Variants in PDZD2 observed in about 807,000 individuals in gnomAD.
The protein encoded by PDZD2 is PDZ domain containing 2.
In PDZD2, 90 loss-of-function variants were observed where a neutral mutation model predicts 220.7. The observed-to-expected ratio is 0.41, with a 90% CI of 0.34 to 0.49. The LOEUF is 0.49. Ranked by LOEUF, PDZD2 falls within the 20% of genes least tolerant of loss-of-function variation. The pLI is 0.28. For missense variants in PDZD2, 3,174 were observed against 3,608.5 expected, an observed-to-expected ratio of 0.88 and a Z score of 3.08; for synonymous variants, 1,375 against 1,450.5, an observed-to-expected ratio of 0.95 and a Z score of 1.18.
chr5:32,005,793 T>G (rs1232402615), intron 5 of PDZD2, among the ~76,000 whole-genome samples: 2 of 152,198 alleles, frequency 1.3e-5, no homozygotes, highest in African/African-American at 4.8e-5. Flanking sequence ...TTCTCCATTT[T>G]CTTCCCTGTA....
chr5:31,985,375 A>G (rs571792593), intron 3 of PDZD2, among the ~76,000 whole-genome samples: 1 of 152,308 alleles, frequency 6.6e-6, no homozygotes, highest in African/African-American at 2.4e-5. Flanking sequence ...TTGACCTAGG[A>G]CACAGTGGAA....
chr5:32,063,654 A>G (rs867824609), intron 14 of PDZD2, among the ~76,000 whole-genome samples: 2 of 152,350 alleles, frequency 1.3e-5, no homozygotes, highest in South Asian at 2.1e-4. Context: ...TTGAGCTTCT[A>G]CTGGGTGCCA....
chr5:31,925,773 A>AAAAC (rs397997282), intron 2 of PDZD2, among the ~76,000 whole-genome samples: 2 of 152,010 alleles, frequency 1.3e-5, no homozygotes, highest in Admixed American at 6.6e-5. Context: ...AAAAAAAAAA[A>AAAAC]GATAACCCAT....
intron 2 of PDZD2, among the ~76,000 whole-genome samples, chr5:31,841,203 A>G (rs529122159): frequency 8.0e-6 from 1 of 124,722 alleles, no homozygotes; most frequent in African/African-American, 3.8e-5. Context: ...CTCTGTGCAC[A>G]TGTGTACACA....
intron 3 of PDZD2, among the ~76,000 whole-genome samples, chr5:31,985,452 T>A (rs1396542917): frequency 6.6e-6 from 1 of 152,132 alleles, no homozygotes; most frequent in Non-Finnish European, 1.5e-5. Flanking sequence ...CCCAGCACTG[T>A]GGGAGGCCCA....
rs1186051915 is a variant in PDZD2, at chr5:32,108,165, C to G, written c.*30C>G. On this transcript the variant is annotated 3_prime_UTR_variant, in exon 25 of 25. Coordinates refer to ENST00000438447, the MANE Select transcript of PDZD2 (RefSeq NM_178140.4). ...TAACAAGAATCATTTTCTCAGTTCT[C>G]TTCTTTCTTTAGCAAATCAGAGTGA... 1 of 1,515,040 alleles carries G rather than the reference C, an allele frequency of 6.6e-7. No individual in the cohort carries two copies. The highest frequency in any genetic ancestry group is 9.1e-7 in the Non-Finnish European group (1 of 1,102,484). 93.8% of individuals were successfully genotyped at this position (1,515,040 alleles called of 1,614,324 possible).
intron 2 of PDZD2, among the ~76,000 whole-genome samples, chr5:31,939,427 G>T (rs918140792): frequency 4.6e-5 from 7 of 152,208 alleles, no homozygotes; most frequent in South Asian, 4.1e-4. Context: ...AATGTATTAG[G>T]CTTGCCCAAG....
intron 5 of PDZD2, among the ~76,000 whole-genome samples, chr5:32,002,719 C>T (rs1752276406): frequency 8.6e-6 from 1 of 116,340 alleles, no homozygotes; most frequent in African/African-American, 3.4e-5. Context: ...ACACACCCCA[C>T]ACACCAACAC....
At chr5:31,934,547 T>G (rs1364031781) in intron 2 of PDZD2, among the ~76,000 whole-genome samples, 1 of 151,436 alleles carries the variant, frequency 6.6e-6, no homozygotes, top group African/African-American at 2.4e-5. Flanking sequence ...TAGAATCCAT[T>G]TGGAGCACAT....
intron 2 of PDZD2, among the ~76,000 whole-genome samples, chr5:31,836,650 A>G (rs1756956485): frequency 1.3e-5 from 2 of 152,302 alleles, no homozygotes; most frequent in South Asian, 2.1e-4. Context: ...GCAGAGAGGT[A>G]GGCAAAGGTT....
chr5:31,685,602 C>T (rs1227669037), intron 1 of PDZD2, among the ~76,000 whole-genome samples: 3 of 152,190 alleles, frequency 2.0e-5, no homozygotes, highest in Non-Finnish European at 4.4e-5. Flanking sequence ...CAGCTCACTG[C>T]AACCTCTGCC....
chr5:31,772,402 G>A (rs779832161), intron 1 of PDZD2, among the ~76,000 whole-genome samples: 50 of 152,240 alleles, frequency 3.3e-4, no homozygotes, highest in Non-Finnish European at 8.8e-5. Flanking sequence ...CAACACAGCA[G>A]TAGGGGCTAC....
chr5:31,932,974 A>C (rs915400478), intron 2 of PDZD2, among the ~76,000 whole-genome samples: 30 of 151,514 alleles, frequency 2.0e-4, no homozygotes, highest in Non-Finnish European at 4.3e-4. Context: ...GCTATGGTGC[A>C]ATCTCGGCTC....
chr5:32,107,246 A>G (rs1341870701), intron 24 of PDZD2: 2 of 152,218 alleles, frequency 1.3e-5, no homozygotes, highest in African/African-American at 4.8e-5. Context: ...CTATAATGTG[A>G]ACATGCTAAA....
chr5:31,909,359 G>T (rs1429690780), intron 2 of PDZD2, among the ~76,000 whole-genome samples: 1 of 152,152 alleles, frequency 6.6e-6, no homozygotes, highest in Non-Finnish European at 1.5e-5. Flanking sequence ...AGCACGTCAT[G>T]TAGTTTGTCT....
At chr5:32,071,120 G>A (rs533988497) in intron 15 of PDZD2, among the ~76,000 whole-genome samples, 3 of 152,320 alleles carry the variant, frequency 2.0e-5, no homozygotes, top group Admixed American at 6.5e-5. Flanking sequence ...TGGAAATTCA[G>A]AAGAAATTAC....
chr5:31,962,181 GCTCTT>G (rs1217162627), intron 2 of PDZD2, among the ~76,000 whole-genome samples: 2 of 152,062 alleles, frequency 1.3e-5, no homozygotes, highest in Admixed American at 6.6e-5. Flanking sequence ...CCCTTTTTCA[GCTCTT>G]CTCTTAAGAA....
intron 2 of PDZD2, among the ~76,000 whole-genome samples, chr5:31,952,788 G>A (rs1411981491): frequency 2.6e-5 from 4 of 152,120 alleles, no homozygotes; most frequent in Admixed American, 6.5e-5. Flanking sequence ...GCCCAGGCAC[G>A]GTGGCTCATG....
intron 2 of PDZD2, among the ~76,000 whole-genome samples, chr5:31,978,141 A>C (rs1487342304): frequency 1.3e-5 from 2 of 152,216 alleles, no homozygotes; most frequent in African/African-American, 2.4e-5. Flanking sequence ...GAAAATTGCA[A>C]ATTAAAAAAA....
Sources: gnomAD v4.1 joint callset for allele counts (sites outside exome capture counted in the v4.1 genomes callset) on GRCh38, gnomAD v4.1.1 for gene constraint, MANE v1.5 for transcripts, NCBI Gene and HGNC (gene_info 2026-07-23, HGNC 2026-07-21) for gene names.